Variants in DOCK7 observed in about 807,000 individuals in gnomAD.
DOCK7 encodes the protein dedicator of cytokinesis protein 7.
DOCK7 carries 138 observed loss-of-function variants against 271.0 expected under a neutral mutation model. The ratio of observed to expected loss-of-function variants is 0.51; its 90% CI spans 0.44 to 0.59. DOCK7 has a LOEUF of 0.59. Among genes scored for constraint, DOCK7 ranks in the 20% least tolerant of loss-of-function variants. DOCK7 has a pLI of 0.00. For synonymous variants in DOCK7, 823 were observed against 876.1 expected, an observed-to-expected ratio of 0.94 and a Z score of 1.07; for missense variants, 2,066 against 2,592.4, an observed-to-expected ratio of 0.80 and a Z score of 4.41.
At chr1:62,555,512 A>G (rs1218750217) in intron 21 of DOCK7, among the ~76,000 whole-genome samples, 1 of 152,186 alleles carries the variant, frequency 6.6e-6, no homozygotes, top group Non-Finnish European at 1.5e-5. Context: ...GGGGCAAGCA[A>G]TTCCTTATCT....
At chr1:62,521,217 A>T (rs1644839810) in intron 31 of DOCK7, among the ~76,000 whole-genome samples, 1 of 152,156 alleles carries the variant, frequency 6.6e-6, no homozygotes, top group Non-Finnish European at 1.5e-5. Context: ...AAACCTGCAC[A>T]TTCTGCACAT....
chr1:62,555,174 C>T (rs1646099148), intron 21 of DOCK7: 1 of 152,098 alleles, frequency 6.6e-6, no homozygotes, highest in Non-Finnish European at 1.5e-5. Flanking sequence ...AATAACAAGT[C>T]GAGTCTCCAG....
In DOCK7 at chr1:62,477,817, A is replaced by T; in HGVS notation, c.5517T>A (p.Phe1839Leu). 6.2e-7 allele frequency: 1 copy of T among 1,607,466 alleles called. No individual in the cohort carries two copies. Among genetic ancestry groups the T allele is most frequent in the Non-Finnish European group, 8.5e-7 (1 of 1,177,920 alleles). ...AAAAACCAACACGAAAATAGGTGCC[A>T]AACATCCGCTTACCATCCTAGGTTT... ...VHQSTGWERM[F>L]GTYFRVGFYG... Residue 1839 changes from phenylalanine (F) to leucine (L), a missense_variant, in exon 44 of 50, where the codon TTT becomes TTA. Coordinates refer to ENST00000635253, the MANE Select transcript of DOCK7 (RefSeq NM_001367561.1).
chr1:62,462,414 G>A (rs1412637017), intron 48 of DOCK7, among the ~76,000 whole-genome samples: 1 of 152,246 alleles, frequency 6.6e-6, no homozygotes, highest in East Asian at 1.9e-4. Context: ...GTAGTTAAGA[G>A]AGCATGACAT....
chr1:62,662,057 G>A (rs1405486777), intron 2 of DOCK7, among the ~76,000 whole-genome samples: 2 of 152,014 alleles, frequency 1.3e-5, no homozygotes, highest in Admixed American at 6.5e-5. Context: ...ATTATAAGTC[G>A]ATCAAACTGT....
rs1168048 is a variant in DOCK7, at chr1:62,518,294, C to A, written c.3937-4396G>T. ...TACTAAAAATACAAAAAAATTGGTC[C>A]GGCGTGGTGGCTCACGCCTGTAATC... On this transcript the variant is annotated intron_variant, in intron 31 of 49. Coordinates refer to ENST00000635253, the MANE Select transcript of DOCK7 (RefSeq NM_001367561.1). 5.7e-3 allele frequency among the ~76,000 whole-genome samples: 870 copies of A among 151,778 alleles called. 11 individuals are homozygous for A. Among genetic ancestry groups the A allele is most frequent in the African/African-American group, 0.02 (829 of 41,398 alleles).
In DOCK7 at chr1:62,624,028, G is replaced by T. The variant is rs185476963; in HGVS notation, c.1425+1231C>A. On this transcript the variant is annotated intron_variant, in intron 12 of 49. Coordinates refer to ENST00000635253, the MANE Select transcript of DOCK7 (RefSeq NM_001367561.1). Reference sequence around the variant, plus strand: ...AAATGGAATTTTGAAGGAATTACTAGCATTTTCCCTTAATCCACTCCAAAA... The same window carrying T: ...AAATGGAATTTTGAAGGAATTACTATCATTTTCCCTTAATCCACTCCAAAA... 6.6e-4 allele frequency among the ~76,000 whole-genome samples: 100 copies of T among 152,190 alleles called. 2 individuals are homozygous for T. The highest frequency in any genetic ancestry group is 6.8e-3 in the Middle Eastern group (2 of 294).
chr1:62,519,834 C>T (rs1381965294), intron 31 of DOCK7, among the ~76,000 whole-genome samples: 4 of 152,132 alleles, frequency 2.6e-5, no homozygotes, highest in Admixed American at 2.0e-4. Flanking sequence ...GGAGGCATCA[C>T]ACTACCTGAC....
intron 1 of DOCK7, among the ~76,000 whole-genome samples, chr1:62,682,610 C>T (rs563274724): frequency 6.6e-6 from 1 of 152,234 alleles, no homozygotes; most frequent in East Asian, 1.9e-4. Context: ...TTTCCTAGCC[C>T]TCAAGAGCCC....
At chr1:62,594,790 C>T (rs1316080399) in intron 14 of DOCK7, among the ~76,000 whole-genome samples, 1 of 152,080 alleles carries the variant, frequency 6.6e-6, no homozygotes, top group Non-Finnish European at 1.5e-5. Context: ...ACAAATCTTG[C>T]CAATCAACAG....
chr1:62,579,288 GGAGT>G (rs1647038371), intron 16 of DOCK7, among the ~76,000 whole-genome samples: 1 of 152,004 alleles, frequency 6.6e-6, no homozygotes, highest in Non-Finnish European at 1.5e-5. Context: ...ACTAAGGTAG[GGAGT>G]TCTCTATTTA....
chr1:62,577,931 CT>C (rs983550358), intron 17 of DOCK7, among the ~76,000 whole-genome samples: 2 of 148,148 alleles, frequency 1.3e-5, no homozygotes, highest in South Asian at 2.1e-4. Flanking sequence ...TTTTTTTTTT[CT>C]TTTTTTTTGA....
chr1:62,669,764 C>A (rs1659720862), intron 1 of DOCK7, among the ~76,000 whole-genome samples: 1 of 152,232 alleles, frequency 6.6e-6, no homozygotes, highest in African/African-American at 2.4e-5. Flanking sequence ...CGGCACCTCC[C>A]CTGCCTGGGC....
At chr1:62,529,248 T>C in intron 30 of DOCK7, 29 bp downstream of exon 30, 1 of 1,541,324 alleles carries the variant, frequency 6.5e-7, no homozygotes, top group Non-Finnish European at 8.7e-7. Context: ...AGCTTTGCCT[T>C]TAATATTTGC....
intron 7 of DOCK7, among the ~76,000 whole-genome samples, chr1:62,638,911 A>G (rs961096963): frequency 6.6e-6 from 1 of 151,948 alleles, no homozygotes; most frequent in Admixed American, 6.6e-5. Context: ...GTCCTTTTTT[A>G]GCTCTTTTTT....
intron 3 of DOCK7, 57 bp downstream of exon 3, chr1:62,653,927 G>A: frequency 6.4e-7 from 1 of 1,563,154 alleles, no homozygotes; most frequent in Non-Finnish European, 8.7e-7. Context: ...ATAAAATAAT[G>A]GAAGGTAGCC....
rs754048150 is a variant in DOCK7 at position 62,508,096 on chromosome 1, T to G, written c.4380-38A>C. The G allele has an allele frequency of 2.1e-5, 32 of 1,536,090 alleles. No homozygotes were observed. The African/African-American group carries it at 4.4e-4, about 21-fold the overall frequency. ...ATTGTAAGAAATTATATTTATCTTTTTGAAAACTACAATTCTGAAAAGACT... is the reference window on the plus strand; with the variant it reads ...ATTGTAAGAAATTATATTTATCTTTGTGAAAACTACAATTCTGAAAAGACT... On this transcript the variant is annotated intron_variant, in intron 34 of 49. Transcript: ENST00000635253.
At chr1:62,647,876 C>T in intron 6 of DOCK7, 100 bp from the exon 7 acceptor site, 1 of 936,180 alleles carries the variant, frequency 1.1e-6, no homozygotes, top group Non-Finnish European at 1.7e-6. Context: ...TTTTAGTCTT[C>T]ACAATAGAAC....
Position 62,555,858 on chromosome 1 carries a change from G to A in DOCK7, c.2563C>T (p.Leu855=). The part of the protein sequence containing the change: ...LASYIHYVFR[L]PNTYPNSSSP... ...GATGAATTAGGGTAAGTATTTGGTAGGCGGAAAACATAATGAATATATGAT... is the reference window on the plus strand; with the variant it reads ...GATGAATTAGGGTAAGTATTTGGTAAGCGGAAAACATAATGAATATATGAT... The change falls in exon 21 of 50, where the codon CTA becomes TTA. Residue 855 remains leucine, a synonymous_variant. Coordinates refer to ENST00000635253, the MANE Select transcript of DOCK7 (RefSeq NM_001367561.1). 5 of 1,613,194 alleles carry A rather than the reference G, an allele frequency of 3.1e-6. No individual in the cohort carries two copies. The highest frequency in any genetic ancestry group is 4.2e-6 in the Non-Finnish European group (5 of 1,179,742).
Sources: allele counts gnomAD v4.1 joint callset (sites outside exome capture counted in the v4.1 genomes callset), GRCh38; gene constraint gnomAD v4.1.1; transcripts MANE v1.5; gene names NCBI Gene and HGNC (gene_info 2026-07-23, HGNC 2026-07-21).